Variants in SAPCD2 observed in about 807,000 individuals in gnomAD.
The protein encoded by SAPCD2 is suppressor APC domain-containing protein 2.
SAPCD2 carries 34 observed loss-of-function variants against 37.8 expected under a neutral mutation model. The ratio of observed to expected loss-of-function variants is 0.90; its 90% CI spans 0.68 to 1.20. The LOEUF is 1.20. Ranked by LOEUF, SAPCD2 falls within the 50% of genes most tolerant of loss-of-function variation. The pLI is 0.00. For missense variants in SAPCD2, 572 were observed against 584.7 expected, an observed-to-expected ratio of 0.98 and a Z score of 0.22; for synonymous variants, 275 against 270.3, an observed-to-expected ratio of 1.02 and a Z score of -0.17.
At chr9:137,065,463 C>T (rs1293401229) in intron 3 of SAPCD2, 59 bp downstream of exon 3, 1 of 1,525,260 alleles carries the variant, frequency 6.6e-7, no homozygotes, top group East Asian at 2.3e-5. Flanking sequence ...CCCAAGGGTG[C>T]CTGGGGTGAG....
At position 137,064,537 on chromosome 9, in the gene SAPCD2, C is replaced by T. The variant is rs1832513260; in HGVS notation, c.*122G>A. 10 of 1,221,034 alleles carry T rather than the reference C, an allele frequency of 8.2e-6. No individual in the cohort carries two copies. In the South Asian group the frequency reaches 1.4e-4, roughly 17 times the overall value. 75.6% of individuals were successfully genotyped at this position (1,221,034 alleles called of 1,614,324 possible). A position where few individuals can be genotyped will look rare whatever the true frequency, so the allele number is the denominator to read the frequency against. On this transcript the variant is annotated 3_prime_UTR_variant, in exon 6 of 6. Coordinates refer to ENST00000409687, the MANE Select transcript of SAPCD2 (RefSeq NM_178448.4). ...GGCAAGGGCGGCAGGAAGGCGCCCA[C>T]TCCGGGACTGTGCCTGGGCCTGCCG... is the stretch of plus-strand genomic sequence containing the variant.
rs1439302022 is a variant in SAPCD2 at position 137,069,909 on chromosome 9, C to T, written c.552G>A (p.Pro184=). The T allele has an allele frequency of 1.6e-5, 20 of 1,277,396 alleles. No individual in the cohort carries two copies. The highest frequency in any genetic ancestry group is 3.2e-5 in the East Asian group (1 of 31,624). The allele number at this position is 1,277,396 out of a possible 1,614,324, so 79.1% of individuals were successfully genotyped here. ...PERSQSAALE[P]SSSADAGAVA... is the part of the protein sequence containing the mutation. ...ACTCACCTGCGTCCGCGCTGGAGCTCGGTTCCAGCGCCGCGCTCTGGGACC... is the reference window on the plus strand; with the variant it reads ...ACTCACCTGCGTCCGCGCTGGAGCTTGGTTCCAGCGCCGCGCTCTGGGACC... The change falls in exon 1 of 6, where the codon CCG becomes CCA. Residue 184 remains proline (P), a synonymous_variant. Coordinates refer to ENST00000409687, the MANE Select transcript of SAPCD2 (RefSeq NM_178448.4).
intron 2 of SAPCD2, 57 bp from the exon 3 acceptor site, chr9:137,065,725 C>T (rs4880086): frequency 0.24 from 365,277 of 1,549,170 alleles, 45,322 homozygotes; most frequent in East Asian, 0.35. Context: ...CACACGTCCA[C>T]ACATGCATGA....
At position 137,070,095 on chromosome 9, in the gene SAPCD2, G is replaced by C; in HGVS notation, c.366C>G (p.Arg122=). The C allele has an allele frequency of 8.4e-7, 1 of 1,191,714 alleles. No homozygotes were observed. The highest frequency in any genetic ancestry group is 1.0e-6 in the Non-Finnish European group (1 of 962,810). The allele number at this position is 1,191,714 out of a possible 1,614,324, so 73.8% of individuals were successfully genotyped here. The change falls in exon 1 of 6, where the codon CGC becomes CGG. Residue 122 remains arginine (R), a synonymous_variant. Transcript: ENST00000409687. Reference sequence around the variant, plus strand: ...GCTCGTCGGCCGGAGCGAACACCAGGCGCTGCGGCGGCGGCGGCGGCTGAT... The same window carrying C: ...GCTCGTCGGCCGGAGCGAACACCAGCCGCTGCGGCGGCGGCGGCGGCTGAT... The part of the protein sequence containing the change: ...PGDQPPPPPQ[R]LVFAPADEPR...
At chr9:137,068,089 A>G (rs779274848) in intron 1 of SAPCD2, among the ~76,000 whole-genome samples, 1 of 152,218 alleles carries the variant, frequency 6.6e-6, no homozygotes, top group Non-Finnish European at 1.5e-5. Context: ...ACCTGGCCAC[A>G]GGAGTCAGGG....
Position 137,065,181 on chromosome 9 carries a change from A to C in SAPCD2, c.836T>G (p.Phe279Cys). 6.9e-7 allele frequency: 1 copy of C among 1,459,712 alleles called. No homozygotes were observed. Among genetic ancestry groups the C allele is most frequent in the Non-Finnish European group, 9.0e-7 (1 of 1,107,860 alleles). The allele number at this position is 1,459,712 out of a possible 1,614,324, so 90.4% of individuals were successfully genotyped here. The change falls in exon 4 of 6, where the codon TTT becomes TGT. Residue 279 changes from phenylalanine (F) to cysteine (C), a missense_variant. Physicochemically the swap from Phe to Cys is radical, Grantham distance 205 (BLOSUM62 -2). Coordinates refer to ENST00000409687, the MANE Select transcript of SAPCD2 (RefSeq NM_178448.4). ...RLGQSRASAD[F>C]GAAGSPRPLG... ...TGGGCGGGGGCTCCCTGCAGCCCCA[A>C]AGTCCTGGGAAGAAAGCAGAGGACA...
chr9:137,065,025 C>A, intron 4 of SAPCD2, 46 bp from the exon 5 acceptor site: 1 of 1,492,140 alleles, frequency 6.7e-7, no homozygotes, highest in South Asian at 1.3e-5. Context: ...GGCGGGGAAG[C>A]ACTAAACTGG....
At position 137,069,879 on chromosome 9, in the gene SAPCD2, C is replaced by A. The variant is rs1173711996; in HGVS notation, c.571+11G>T. The A allele has an allele frequency of 6.3e-6, 8 of 1,265,346 alleles. No individual in the cohort carries two copies. The highest frequency in any genetic ancestry group is 3.0e-4 in the Middle Eastern group (1 of 3,290). 78.4% of individuals were successfully genotyped at this position (1,265,346 alleles called of 1,614,324 possible). A position where few individuals can be genotyped will look rare whatever the true frequency, so the allele number is the denominator to read the frequency against. ...AGCTACGAGGGTGCCCGGGGGCCGTCCGGAACTCACCTGCGTCCGCGCTGG... is the reference window on the plus strand; with the variant it reads ...AGCTACGAGGGTGCCCGGGGGCCGTACGGAACTCACCTGCGTCCGCGCTGG... On this transcript the variant is annotated intron_variant, in intron 1 of 5. Coordinates refer to ENST00000409687, the MANE Select transcript of SAPCD2 (RefSeq NM_178448.4).
chr9:137,066,187 G>GT (rs1832543164), intron 2 of SAPCD2, 75 bp downstream of exon 2: 1 of 1,168,432 alleles, frequency 8.6e-7, no homozygotes, highest in Non-Finnish European at 1.2e-6. Context: ...CAGGCTCAAG[G>GT]CCCCCCTGCT....
chr9:137,069,222 G>A lies in SAPCD2; in HGVS notation c.571+668C>T, dbSNP rs529902717. On this transcript the variant is annotated intron_variant, in intron 1 of 5. Coordinates refer to ENST00000409687, the MANE Select transcript of SAPCD2 (RefSeq NM_178448.4). ...GACCATTCAGCAATCTCCCATCACT[G>A]CCAACTGGACCGGAAGGCAGGAGAG... Among the ~76,000 whole-genome samples the A allele has an allele frequency of 3.1e-4, 47 of 152,360 alleles. 1 individual carries two copies. Among genetic ancestry groups the A allele is most frequent in the African/African-American group, 1.1e-3 (45 of 41,588 alleles).
chr9:137,066,436 G>T, intron 1 of SAPCD2, 62 bp from the exon 2 acceptor site: 2 of 1,325,602 alleles, frequency 1.5e-6, no homozygotes, highest in Non-Finnish European at 2.1e-6. Flanking sequence ...CTCTGCTGAG[G>T]TGCAGCGGCC....
chr9:137,065,946 C>T (rs545719133), intron 2 of SAPCD2, among the ~76,000 whole-genome samples: 1 of 152,298 alleles, frequency 6.6e-6, no homozygotes, highest in South Asian at 2.1e-4. Flanking sequence ...GGGTGACGGA[C>T]CCTTCAGCTG....
chr9:137,069,868 C>A, intron 1 of SAPCD2, 22 bp downstream of exon 1: 1 of 1,252,818 alleles, frequency 8.0e-7, no homozygotes, highest in South Asian at 2.8e-5. Flanking sequence ...ACGAGGGTGC[C>A]CGGGGGCCGT....
Position 137,064,656 on chromosome 9 carries a change from G to C in SAPCD2, c.*3C>G, listed in dbSNP as rs1832515345. 6.3e-7 allele frequency: 1 copy of C among 1,596,682 alleles called. No individual in the cohort carries two copies. The highest frequency in any genetic ancestry group is 1.7e-5 in the Admixed American group (1 of 58,134). On this transcript the variant is annotated 3_prime_UTR_variant, in exon 6 of 6. Transcript: ENST00000409687. ...CCCTGGGGGCCCACGCGGCCCACAAGGACTAGATGAAGGTGGAATCCAGAG... is the reference window on the plus strand; with the variant it reads ...CCCTGGGGGCCCACGCGGCCCACAACGACTAGATGAAGGTGGAATCCAGAG...
At chr9:137,065,722 C>T in intron 2 of SAPCD2, 54 bp from the exon 3 acceptor site, 1 of 1,553,054 alleles carries the variant, frequency 6.4e-7, no homozygotes, top group Non-Finnish European at 8.8e-7. Context: ...ACGCACACGT[C>T]CACACATGCA....
At chr9:137,067,938 T>C (rs962125705) in intron 1 of SAPCD2, among the ~76,000 whole-genome samples, 2 of 152,242 alleles carry the variant, frequency 1.3e-5, no homozygotes, top group African/African-American at 2.4e-5. Context: ...TTGGTGCCAC[T>C]CCGGCCCAGC....
Position 137,066,285 on chromosome 9 carries a change from C to T in SAPCD2, c.661G>A (p.Ala221Thr), listed in dbSNP as rs757645234. 1.8e-4 allele frequency: 286 copies of T among 1,607,496 alleles called. 2 individuals carry two copies. In the South Asian group the frequency reaches 2.8e-3, roughly 15 times the overall value. ...ACCAGGCCGCAGTCCACGCCGCTGG[C>T]GATGGTGTGCCTCCGACGTTCCCCT... ...ARGERRRHTI[A>T]SGVDCGLLKQ... Residue 221 changes from alanine to threonine, a missense_variant, in exon 2 of 6, where the codon GCC becomes ACC. Physicochemically the swap from Ala to Thr is moderately conservative, Grantham distance 58. Coordinates refer to ENST00000409687, the MANE Select transcript of SAPCD2 (RefSeq NM_178448.4).
chr9:137,065,761 CCA>C, intron 2 of SAPCD2, 93 bp from the exon 3 acceptor site: 9 of 1,447,818 alleles, frequency 6.2e-6, no homozygotes, highest in Non-Finnish European at 8.5e-6. Flanking sequence ...GGCACCAGAG[CCA>C]CAGACACAAA....
In SAPCD2 at chr9:137,070,469, G is replaced by A. The variant is rs2131533050; in HGVS notation, c.-9C>T. ...ATGGCGGCCCCGGCCATGGGCGCCC[G>A]GGATCGGTCCCCTCGTCCACCCGCG... On this transcript the variant is annotated 5_prime_UTR_variant, in exon 1 of 6. Coordinates refer to ENST00000409687, the MANE Select transcript of SAPCD2 (RefSeq NM_178448.4). 1 of 1,222,134 alleles carries A rather than the reference G, an allele frequency of 8.2e-7. No individual in the cohort carries two copies. 75.7% of individuals were successfully genotyped at this position (1,222,134 alleles called of 1,614,324 possible). A position where few individuals can be genotyped will look rare whatever the true frequency, so the allele number is the denominator to read the frequency against.
Sources: gnomAD v4.1 joint callset for allele counts (sites outside exome capture counted in the v4.1 genomes callset) on GRCh38, gnomAD v4.1.1 for gene constraint, MANE v1.5 for transcripts, NCBI Gene and HGNC (gene_info 2026-07-23, HGNC 2026-07-21) for gene names.